VPS16: variants seen among roughly 807,000 people sequenced by gnomAD.
VPS16 encodes vacuolar protein sorting-associated protein 16 homolog.
VPS16 carries 82 observed loss-of-function variants against 116.0 expected under a neutral mutation model. That is an observed-to-expected ratio of 0.71 (90% confidence interval 0.59 to 0.85). VPS16 has a LOEUF of 0.85. Ranked by LOEUF, VPS16 falls within the 40% of genes least tolerant of loss-of-function variation. The pLI, the probability that VPS16 is intolerant of heterozygous loss-of-function variation, is 0.00. For missense variants in VPS16, 928 were observed against 1,090.6 expected (o/e 0.85, Z 2.10); for synonymous variants, 406 against 420.7 (o/e 0.96, Z 0.43).
At chr20:2,845,197 G>A (rs2089046346) in intron 1 of VPS16, among the ~76,000 whole-genome samples, 1 of 152,002 alleles carries the variant, frequency 6.6e-6, no homozygotes, top group East Asian at 1.9e-4. Context: ...GAGAGAAGGG[G>A]CCAGTCTCAG....
rs779678768 is a variant in VPS16, at chr20:2,865,047, G to T, written c.1996G>T (p.Ala666Ser). The stretch of plus-strand genomic sequence containing the variant: ...CTTCTACAAGGCCAAGAATGAGTTT[G>T]CAGCCAAGGTTTGGCCCACCTTTTT... ...DAFYKAKNEF[A>S]AKATEDQMRL... Residue 666 changes from alanine to serine, a missense_variant, in exon 20 of 24, where the codon GCA becomes TCA. Physicochemically the swap from Ala to Ser is moderately conservative, Grantham distance 99. Coordinates refer to ENST00000380445, the MANE Select transcript of VPS16 (RefSeq NM_022575.4). This position sits in a 1 kb window ranked among gnomAD's most constrained non-coding sequence, Gnocchi z 5.2. 8.7e-6 allele frequency: 14 copies of T among 1,614,164 alleles called. No individual in the cohort carries two copies. The highest frequency in any genetic ancestry group is 8.3e-5 in the Admixed American group (5 of 60,016).
In VPS16 at chr20:2,860,956, T is replaced by C; in HGVS notation, c.631-14T>C. On this transcript the variant is annotated splice_polypyrimidine_tract_variant and intron_variant, in intron 6 of 23. Transcript: ENST00000380445. This position sits in a 1 kb window ranked among gnomAD's most constrained non-coding sequence, Gnocchi z 6.1. ...GTATGTATCTGTCCCACCCCTACCC[T>C]GGCTCTGCCTCAGACGCCCCCTGGC... is the stretch of plus-strand genomic sequence containing the variant. 1 of 1,614,124 alleles carries C rather than the reference T, an allele frequency of 6.2e-7. No homozygotes were observed. Among genetic ancestry groups the C allele is most frequent in the South Asian group, 1.1e-5 (1 of 91,082 alleles).
In VPS16 at chr20:2,864,983, T is replaced by A. The variant is rs2089305951; in HGVS notation, c.1932T>A (p.Ile644=). The change falls in exon 20 of 24, where the codon ATT becomes ATA. Residue 644 remains isoleucine (I), a synonymous_variant. Coordinates refer to ENST00000380445, the MANE Select transcript of VPS16 (RefSeq NM_022575.4). The surrounding 1 kb of genome is among the most constrained non-coding windows in gnomAD (Gnocchi z 5.2). ...IRASYAAEER[I]EGRVAALQTA... ...CTTCCTTCTTGTCTTTATAGCGTAT[T>A]GAGGGGCGAGTAGCAGCTCTGCAGA... 2 of 1,614,130 alleles carry A rather than the reference T, an allele frequency of 1.2e-6. No individual in the cohort carries two copies. The highest frequency in any genetic ancestry group is 2.2e-5 in the South Asian group (2 of 91,082).
chr20:2,850,746 T>C (rs1236105719), intron 1 of VPS16, among the ~76,000 whole-genome samples: 1 of 150,898 alleles, frequency 6.6e-6, no homozygotes, highest in African/African-American at 2.4e-5. Context: ...GGCAGGCAGA[T>C]CACACAAGCC....
Position 2,866,725 on chromosome 20 carries a change from A to G in VPS16, c.*151A>G. 8.4e-7 allele frequency: 1 copy of G among 1,189,884 alleles called. No individual in the cohort carries two copies. Among genetic ancestry groups the G allele is most frequent in the Non-Finnish European group, 1.2e-6 (1 of 855,158 alleles). 73.7% of individuals were successfully genotyped at this position (1,189,884 alleles called of 1,614,324 possible). A position where few individuals can be genotyped will look rare whatever the true frequency, so the allele number is the denominator to read the frequency against. ...CTGTCTGGTTTTAAATAAAGTTGGA[A>G]CACTTCACAGTGCTTGTCTTACACA... On this transcript the variant is annotated 3_prime_UTR_variant, in exon 24 of 24. Coordinates refer to ENST00000380445, the MANE Select transcript of VPS16 (RefSeq NM_022575.4).
Position 2,866,662 on chromosome 20 carries a change from C to G in VPS16, c.*88C>G. ...GGCCATAGTTCATCCAGCTCCTCCC[C>G]TAGAGCAATGCTGAGGAGCGGGGGC... On this transcript the variant is annotated 3_prime_UTR_variant, in exon 24 of 24. Transcript: ENST00000380445. 1 of 1,567,432 alleles carries G rather than the reference C, an allele frequency of 6.4e-7. No homozygotes were observed. Among genetic ancestry groups the G allele is most frequent in the Non-Finnish European group, 8.7e-7 (1 of 1,155,438 alleles).
chr20:2,844,103 G>T (rs1323190958), intron 1 of VPS16, among the ~76,000 whole-genome samples: 1 of 152,224 alleles, frequency 6.6e-6, no homozygotes, highest in Non-Finnish European at 1.5e-5. Flanking sequence ...ACCCAAACAG[G>T]TTCTAGACCT....
At position 2,865,854 on chromosome 20, in the gene VPS16, G is replaced by A; in HGVS notation, c.2272-358G>A. 1 of 457,442 alleles carries A rather than the reference G, an allele frequency of 2.2e-6. No homozygotes were observed. Among genetic ancestry groups the A allele is most frequent in the Non-Finnish European group, 4.0e-6 (1 of 251,398 alleles). 28.3% of individuals were successfully genotyped at this position (457,442 alleles called of 1,614,324 possible). A position where few individuals can be genotyped will look rare whatever the true frequency, so the allele number is the denominator to read the frequency against. On this transcript the variant is annotated intron_variant, in intron 22 of 23. Coordinates refer to ENST00000380445, the MANE Select transcript of VPS16 (RefSeq NM_022575.4). The surrounding 1 kb of genome is among the most constrained non-coding windows in gnomAD (Gnocchi z 5.2). ...GAGATACTGAGGGCTGTTTTCTGTG[G>A]TGGGTAGTTCAGAGGTGTATAGGGC...
chr20:2,845,397 T>C (rs191687750), intron 1 of VPS16, among the ~76,000 whole-genome samples: 19 of 152,212 alleles, frequency 1.2e-4, no homozygotes, highest in African/African-American at 4.6e-4. Context: ...AAGCATCTTA[T>C]GGTAAAAGAA....
Position 2,864,341 on chromosome 20 carries a change from C to T in VPS16, c.1721-24C>T. 1 of 1,614,006 alleles carries T rather than the reference C, an allele frequency of 6.2e-7. No individual in the cohort carries two copies. Among genetic ancestry groups the T allele is most frequent in the African/African-American group, 1.3e-5 (1 of 74,972 alleles). On this transcript the variant is annotated intron_variant, in intron 17 of 23. Transcript: ENST00000380445. The surrounding 1 kb of genome is among the most constrained non-coding windows in gnomAD (Gnocchi z 5.2). ...CTAAGTGGGAGCCTGGCTGGAATTC[C>T]CACTCCACCTTACTCTCCTGCAGTG... is the stretch of plus-strand genomic sequence containing the variant.
chr20:2,840,764 C>T lies in VPS16; in HGVS notation c.-11C>T, dbSNP rs1000523206. 2.2e-5 allele frequency: 34 copies of T among 1,548,030 alleles called. No individual in the cohort carries two copies. The highest frequency in any genetic ancestry group is 2.9e-5 in the Non-Finnish European group (33 of 1,146,512). Reference sequence around the variant, plus strand: ...CCCCTCGGTGCTTCCCAGCTGCCGTCTGCACCAGCCATGGACTGCTACACG... The same window carrying T: ...CCCCTCGGTGCTTCCCAGCTGCCGTTTGCACCAGCCATGGACTGCTACACG... On this transcript the variant is annotated 5_prime_UTR_variant, in exon 1 of 24. Transcript: ENST00000380445.
intron 1 of VPS16, among the ~76,000 whole-genome samples, chr20:2,854,284 A>G (rs2089150600): frequency 8.6e-6 from 1 of 116,326 alleles, no homozygotes; most frequent in Admixed American, 8.7e-5. Flanking sequence ...AGCCAAGTGC[A>G]CTAGCATGCG....
chr20:2,840,835 G>GCGCCC lies in VPS16; in HGVS notation c.53+9_53+10insGCCCC. 1.4e-5 allele frequency: 22 copies of GCGCCC among 1,524,060 alleles called. No homozygotes were observed. The highest frequency in any genetic ancestry group is 1.7e-5 in the Non-Finnish European group (19 of 1,127,778). 94.4% of individuals were successfully genotyped at this position (1,524,060 alleles called of 1,614,324 possible). On this transcript the variant is annotated intron_variant, in intron 1 of 23. Coordinates refer to ENST00000380445, the MANE Select transcript of VPS16 (RefSeq NM_022575.4). ...GGACTCTGCCTTTTACCGGTGAGCTGCCCCGCCCTCCCGCCCACGGCCTGG... is the reference window on the plus strand; with the variant it reads ...GGACTCTGCCTTTTACCGGTGAGCTGCGCCCCCCCGCCCTCCCGCCCACGGCCTGG...
chr20:2,844,255 A>G (rs1031275089), intron 1 of VPS16, among the ~76,000 whole-genome samples: 1 of 152,240 alleles, frequency 6.6e-6, no homozygotes, highest in East Asian at 1.9e-4. Flanking sequence ...ATGCATAGGC[A>G]GGACTTGATA....
intron 1 of VPS16, among the ~76,000 whole-genome samples, chr20:2,846,016 C>G (rs1176499406): frequency 1.3e-5 from 2 of 152,032 alleles, no homozygotes; most frequent in African/African-American, 4.8e-5. Context: ...TTCATCTTTC[C>G]ATGGACACTT....
rs543744495 is a variant in VPS16 at position 2,850,031 on chromosome 20, A to G, written c.53+9204A>G. ...ACTTAACATGGAAAGTTTAATATAA[A>G]GAATTATTGGCCTGGTGTGGGGGCT... On this transcript the variant is annotated intron_variant, in intron 1 of 23. Transcript: ENST00000380445. Among the ~76,000 whole-genome samples the G allele has an allele frequency of 4.1e-4, 62 of 152,300 alleles. 1 individual carries two copies. In the South Asian group the frequency reaches 0.013, roughly 32 times the overall value.
intron 11 of VPS16, chr20:2,862,331 A>T (rs2146668825): frequency 1.0e-5 from 10 of 975,478 alleles, no homozygotes; most frequent in South Asian, 3.5e-5. Flanking sequence ...GAGCATCCCC[A>T]CTATCCCCAC....
chr20:2,854,265 A>AC (rs375390884), intron 1 of VPS16, among the ~76,000 whole-genome samples: 14 of 149,012 alleles, frequency 9.4e-5, no homozygotes, highest in East Asian at 5.9e-4. Flanking sequence ...ACACACACAC[A>AC]AATTTTTTAG....
chr20:2,865,674 T>C lies in VPS16; in HGVS notation c.2271+179T>C, dbSNP rs2089326629. Among the ~76,000 whole-genome samples the C allele has an allele frequency of 6.6e-6, 1 of 152,218 alleles. No individual in the cohort carries two copies. Among genetic ancestry groups the C allele is most frequent in the African/African-American group, 2.4e-5 (1 of 41,458 alleles). ...GCATCATCTGCTGTGTTGGGTGCAC[T>C]GGAGGATGGGTCCAAGTTTGCCTGC... On this transcript the variant is annotated intron_variant, in intron 22 of 23. Coordinates refer to ENST00000380445, the MANE Select transcript of VPS16 (RefSeq NM_022575.4). This position sits in a 1 kb window ranked among gnomAD's most constrained non-coding sequence, Gnocchi z 5.2.
Sources: gnomAD v4.1 joint callset for allele counts (sites outside exome capture counted in the v4.1 genomes callset) on GRCh38, gnomAD v4.1.1 for gene constraint, Gnocchi (gnomAD v3.1) non-coding constraint, MANE v1.5 for transcripts, NCBI Gene and HGNC (gene_info 2026-07-23, HGNC 2026-07-21) for gene names.